Variants in IL7 observed in about 807,000 individuals in gnomAD.
IL7 encodes the protein interleukin 7, also known as interleukin-7.
Under a neutral mutation model 21.6 loss-of-function variants are expected in IL7, and 3 were observed. That is an observed-to-expected ratio of 0.14 (90% CI 0.06 to 0.36). IL7 has a LOEUF of 0.36. Ranked by LOEUF, IL7 falls within the 10% of genes least tolerant of loss-of-function variation. IL7 has a pLI of 1.00. For synonymous variants in IL7, 62 were observed against 68.1 expected, an observed-to-expected ratio of 0.91 and a Z score of 0.44; for missense variants, 175 against 200.2, an observed-to-expected ratio of 0.87 and a Z score of 0.76.
intron 2 of IL7, among the ~76,000 whole-genome samples, chr8:78,794,630 C>A (rs1813796048): frequency 6.6e-6 from 1 of 152,024 alleles, no homozygotes; most frequent in African/African-American, 2.4e-5. Flanking sequence ...CTTAGCTAGA[C>A]CTTCTGGATA....
intron 3 of IL7, among the ~76,000 whole-genome samples, chr8:78,693,453 G>A (rs372528885): frequency 7.9e-5 from 12 of 152,150 alleles, no homozygotes; most frequent in Admixed American, 2.6e-4. Flanking sequence ...ATCTCATTGT[G>A]GTTTTGATTT....
At chr8:78,798,024 A>C (rs770944847) in intron 2 of IL7, 48 bp downstream of exon 2, 2 of 1,508,954 alleles carry the variant, frequency 1.3e-6, no homozygotes, top group Non-Finnish European at 1.8e-6. Context: ...AAAAGGTTCA[A>C]ATTTTCCCAA....
chr8:78,793,918 A>G (rs986280951), intron 2 of IL7, among the ~76,000 whole-genome samples: 1 of 152,138 alleles, frequency 6.6e-6, no homozygotes, highest in Non-Finnish European at 1.5e-5. Flanking sequence ...TCATTTCAAG[A>G]AACCACTTTC....
Position 78,738,487 on chromosome 8 carries a change from A to G in IL7, c.360+17T>C. The G allele has an allele frequency of 6.2e-7, 1 of 1,603,910 alleles. No homozygotes were observed. Among genetic ancestry groups the G allele is most frequent in the Non-Finnish European group, 8.5e-7 (1 of 1,175,294 alleles). The stretch of plus-strand genomic sequence containing the variant: ...GTATTTAATATTTTTATTCAAAGTA[A>G]ATAGTCCTTAGCTTACCTGGCCAGT... On this transcript the variant is annotated intron_variant, in intron 4 of 5. Transcript: ENST00000263851.
chr8:78,769,572 G>A (rs1812881863), intron 2 of IL7, among the ~76,000 whole-genome samples: 1 of 152,118 alleles, frequency 6.6e-6, no homozygotes, highest in Non-Finnish European at 1.5e-5. Flanking sequence ...ATGCTCATGG[G>A]TAGGAAGAAT....
At chr8:78,730,023 T>G (rs764916650), downstream of IL7, among the ~76,000 whole-genome samples, 5 of 151,942 alleles carry the variant, frequency 3.3e-5, no homozygotes, top group Non-Finnish European at 7.4e-5. Context: ...ACACTTAGAT[T>G]GAAGAAAAAG....
At chr8:78,762,411 G>A (rs947003017) in intron 2 of IL7, 24 of 1,609,432 alleles carry the variant, frequency 1.5e-5, no homozygotes, top group African/African-American at 2.7e-5. Flanking sequence ...TGCAGTTGGC[G>A]GCAGCGCAGA....
intron 4 of IL7, among the ~76,000 whole-genome samples, chr8:78,737,619 CA>C (rs1172579326): frequency 6.6e-6 from 1 of 152,088 alleles, no homozygotes; most frequent in Non-Finnish European, 1.5e-5. Context: ...AGATAATCTA[CA>C]TTTTTATCAC....
intron 2 of IL7, among the ~76,000 whole-genome samples, chr8:78,776,053 C>T (rs964191178): frequency 6.6e-6 from 1 of 151,872 alleles, no homozygotes; most frequent in African/African-American, 2.4e-5. Context: ...GCATACATAC[C>T]AATGATAAAA....
downstream of IL7, among the ~76,000 whole-genome samples, chr8:78,716,817 TCCCCA>T (rs1811121306): frequency 6.6e-6 from 1 of 152,108 alleles, no homozygotes; most frequent in Non-Finnish European, 1.5e-5. Flanking sequence ...GGGGTGGACT[TCCCCA>T]TTGCTGTTCT....
intron 2 of IL7, chr8:78,762,342 C>T: frequency 1.2e-6 from 2 of 1,612,132 alleles, no homozygotes; most frequent in Admixed American, 3.3e-5. Flanking sequence ...TGGCATCTGG[C>T]AGGGTCCCGC....
At chr8:78,778,040 G>A (rs1813190134) in intron 2 of IL7, among the ~76,000 whole-genome samples, 1 of 151,978 alleles carries the variant, frequency 6.6e-6, no homozygotes, top group South Asian at 2.1e-4. Flanking sequence ...CAAGCCCCCA[G>A]GTCAAATTAG....
At chr8:78,716,280 G>A (rs537413019), downstream of IL7, among the ~76,000 whole-genome samples, 9 of 151,116 alleles carry the variant, frequency 6.0e-5, 1 homozygote, top group African/African-American at 9.7e-5. Context: ...CCGCCACCAC[G>A]CCTGGCTAAT....
intron 3 of IL7, among the ~76,000 whole-genome samples, chr8:78,699,263 A>G (rs945317611): frequency 6.6e-5 from 10 of 152,098 alleles, no homozygotes; most frequent in Non-Finnish European, 1.5e-4. Flanking sequence ...ATATAATTAA[A>G]CTTTCAATAG....
intron 3 of IL7, among the ~76,000 whole-genome samples, chr8:78,696,058 C>T (rs1315738332): frequency 3.3e-5 from 5 of 150,940 alleles, no homozygotes; most frequent in African/African-American, 7.3e-5. Flanking sequence ...TTTTTTGAGA[C>T]GGAGTCTTGC....
intron 4 of IL7, among the ~76,000 whole-genome samples, chr8:78,684,495 T>A (rs553983367): frequency 2.0e-5 from 3 of 152,090 alleles, no homozygotes; most frequent in African/African-American, 4.8e-5. Flanking sequence ...CAGGTGGAGT[T>A]TATGGGAGCT....
chr8:78,725,368 C>T (rs981541698), intron 3 of IL7, among the ~76,000 whole-genome samples: 1 of 722 alleles, frequency 1.4e-3, no homozygotes, highest in African/African-American at 5.9e-3. Flanking sequence ...TCCTCCCCTC[C>T]AAGTTTGGAG....
chr8:78,723,934 G>T, intron 3 of IL7: 1 of 196,534 alleles, frequency 5.1e-6, no homozygotes. Flanking sequence ...CAAGAAATTT[G>T]GTTAATGAAA....
chr8:78,709,188 G>A (rs1810878156), intron 3 of IL7, among the ~76,000 whole-genome samples: 1 of 152,114 alleles, frequency 6.6e-6, no homozygotes, highest in Admixed American at 6.6e-5. Context: ...TTACTTTGGA[G>A]AGCAACTGTA....
Sources: gnomAD v4.1 joint callset for allele counts (sites outside exome capture counted in the v4.1 genomes callset) on GRCh38, gnomAD v4.1.1 for gene constraint, MANE v1.5 for transcripts, NCBI Gene and HGNC (gene_info 2026-07-23, HGNC 2026-07-21) for gene names.